CGGBP1: variants seen among roughly 807,000 people sequenced by gnomAD.
The protein encoded by CGGBP1 is CGG triplet repeat-binding protein 1.
CGGBP1 carries 4 observed loss-of-function variants against 11.4 expected under a neutral mutation model. That is an observed-to-expected ratio of 0.35 (90% CI 0.17 to 0.80). The LOEUF (loss-of-function observed/expected upper bound fraction) is 0.80. CGGBP1 is among the 30% of genes least tolerant of loss of function. The pLI is 0.52. For synonymous variants in CGGBP1, 76 were observed against 74.1 expected (o/e 1.03, Z -0.13); for missense variants, 135 against 202.1 (o/e 0.67, Z 2.01).
At chr3:88,115,525 CAAGTCTT>C (rs1705337878) in intron 2 of CGGBP1, among the ~76,000 whole-genome samples, 1 of 152,164 alleles carries the variant, frequency 6.6e-6, no homozygotes, top group African/African-American at 2.4e-5. Context: ...TATGGGTTCT[CAAGTCTT>C]ACTACTTGGA....
chr3:88,129,138 T>C (rs997441780), intron 2 of CGGBP1: 2 of 662,066 alleles, frequency 3.0e-6, no homozygotes, highest in Non-Finnish European at 5.0e-6. Context: ...AAGGATTACA[T>C]TATCTGGATG....
intron 2 of CGGBP1, among the ~76,000 whole-genome samples, chr3:88,094,845 A>G (rs557390563): frequency 3.9e-5 from 6 of 152,162 alleles, no homozygotes; most frequent in African/African-American, 1.2e-4. Flanking sequence ...CTAGACTACA[A>G]TATTATACTG....
intron 2 of CGGBP1, among the ~76,000 whole-genome samples, chr3:88,067,843 A>C (rs2107603397): frequency 6.6e-6 from 1 of 152,196 alleles, no homozygotes; most frequent in East Asian, 1.9e-4. Context: ...ATATGGTGGT[A>C]ACTGGAGGCA....
chr3:88,088,418 T>C (rs1260863423), intron 2 of CGGBP1, among the ~76,000 whole-genome samples: 1 of 152,130 alleles, frequency 6.6e-6, no homozygotes, highest in East Asian at 1.9e-4. Flanking sequence ...ATTAGCATTT[T>C]TAGAGAGAAT....
At chr3:88,075,460 A>G (rs1389363333) in intron 2 of CGGBP1, among the ~76,000 whole-genome samples, 1 of 152,198 alleles carries the variant, frequency 6.6e-6, no homozygotes, top group Non-Finnish European at 1.5e-5. Flanking sequence ...TTGGATAATA[A>G]CCATGGAACA....
chr3:88,138,779 C>A, intron 2 of CGGBP1: 1 of 1,232,008 alleles, frequency 8.1e-7, no homozygotes, highest in Non-Finnish European at 1.0e-6. Flanking sequence ...ATGATGATCC[C>A]AAAACTAAAT....
chr3:88,094,209 A>G (rs552822415), intron 2 of CGGBP1, among the ~76,000 whole-genome samples: 2 of 150,824 alleles, frequency 1.3e-5, no homozygotes, highest in Non-Finnish European at 3.0e-5. Context: ...TGTTTATAGG[A>G]TTTGTTGTAG....
At chr3:88,148,822 GT>G (rs1260327047) in intron 1 of CGGBP1, among the ~76,000 whole-genome samples, 1 of 152,080 alleles carries the variant, frequency 6.6e-6, no homozygotes, top group Non-Finnish European at 1.5e-5. Flanking sequence ...TGTATTTTTA[GT>G]GGAGACGGGG....
At chr3:88,075,622 A>C (rs1372537278) in intron 2 of CGGBP1, among the ~76,000 whole-genome samples, 1 of 152,136 alleles carries the variant, frequency 6.6e-6, no homozygotes, top group Non-Finnish European at 1.5e-5. Context: ...GTTCTACTTT[A>C]TTGGCAGAAT....
At chr3:88,066,907 T>C (rs1390894046) in intron 2 of CGGBP1, among the ~76,000 whole-genome samples, 2 of 152,212 alleles carry the variant, frequency 1.3e-5, no homozygotes, top group African/African-American at 4.8e-5. Flanking sequence ...GACACATTAA[T>C]TGTATATTAA....
Position 88,116,132 on chromosome 3 carries a change from A to G in CGGBP1, c.-229+24838T>C, listed in dbSNP as rs565646399. Among the ~76,000 whole-genome samples the G allele has an allele frequency of 6.6e-5, 10 of 152,242 alleles. 1 individual carries two copies. In the East Asian group the frequency reaches 1.9e-3, roughly 29 times the overall value. On this transcript the variant is annotated intron_variant, in intron 2 of 3. Transcript: ENST00000462901. ...GTGGTAGGGATTTGGGGTGTGGTCA[A>G]TCTCATTCTTGTTGCTGCTTCTCAG...
At chr3:88,058,416 T>A (rs1706628333) in intron 1 of CGGBP1, among the ~76,000 whole-genome samples, 193 bp from the exon 2 acceptor site, 1 of 151,864 alleles carries the variant, frequency 6.6e-6, no homozygotes, top group African/African-American at 2.4e-5. Context: ...GTCCGCCCGC[T>A]TGGCACCTCC....
intron 2 of CGGBP1, among the ~76,000 whole-genome samples, chr3:88,064,304 G>T (rs1444619762): frequency 6.6e-6 from 1 of 151,848 alleles, no homozygotes; most frequent in Non-Finnish European, 1.5e-5. Context: ...AAGGAGATAG[G>T]GACTATCTTA....
chr3:88,142,284 TA>T (rs1169446972), intron 1 of CGGBP1: 3 of 75,920 alleles, frequency 4.0e-5, no homozygotes, highest in Non-Finnish European at 9.8e-5. Context: ...CATTGAAAAT[TA>T]AAAAACAAAA....
intron 2 of CGGBP1, among the ~76,000 whole-genome samples, chr3:88,130,237 C>A (rs2107839212): frequency 6.6e-6 from 1 of 152,256 alleles, no homozygotes; most frequent in South Asian, 2.1e-4. Flanking sequence ...TCTGTTTCCT[C>A]AGCTCCAGTA....
chr3:88,059,472 C>T (rs1413652679), upstream of CGGBP1: 8 of 1,518,036 alleles, frequency 5.3e-6, no homozygotes, highest in Admixed American at 8.6e-5. Context: ...GCGTCGGAAT[C>T]AGCAGTCGGG....
chr3:88,057,684 G>A (rs1308714196), intron 2 of CGGBP1: 1 of 152,114 alleles, frequency 6.6e-6, no homozygotes, highest in Non-Finnish European at 1.5e-5. Flanking sequence ...AAAAAGTCTT[G>A]TATCTTTAAA....
chr3:88,120,372 A>C (rs561087168), intron 2 of CGGBP1, among the ~76,000 whole-genome samples: 70 of 152,320 alleles, frequency 4.6e-4, no homozygotes, highest in African/African-American at 1.4e-3. Context: ...TGCTATCTTG[A>C]GAGCTTTATT....
chr3:88,059,730 C>A (rs1041300367), upstream of CGGBP1, among the ~76,000 whole-genome samples: 8 of 151,910 alleles, frequency 5.3e-5, no homozygotes, highest in African/African-American at 1.9e-4. Context: ...GTGAGTTTGT[C>A]GGGGATGGAG....
Sources: gnomAD v4.1 joint callset for allele counts (sites outside exome capture counted in the v4.1 genomes callset) on GRCh38, gnomAD v4.1.1 for gene constraint, MANE v1.5 for transcripts, NCBI Gene and HGNC (gene_info 2026-07-23, HGNC 2026-07-21) for gene names.